The following BOP1 variants were observed in gnomAD, a reference collection of about 807,000 sequenced individuals.
BOP1 encodes ribosome biogenesis protein BOP1.
A neutral mutation model predicts 82.9 loss-of-function variants in BOP1; 54 were observed. The observed-to-expected ratio is 0.65, with a 90% confidence interval of 0.52 to 0.82. The LOEUF (loss-of-function observed/expected upper bound fraction) is 0.82, where lower values mean the gene tolerates loss of function less well. Ranked by LOEUF, BOP1 falls within the 40% of genes least tolerant of loss-of-function variation. The pLI is 0.00. For synonymous variants in BOP1, 566 were observed against 451.1 expected (o/e 1.25, Z -3.23); for missense variants, 1,170 against 1,072.0 (o/e 1.09, Z -1.28).
intron 2 of BOP1, among the ~76,000 whole-genome samples, chr8:144,278,926 G>A (rs1234876401): frequency 1.3e-5 from 2 of 152,236 alleles, no homozygotes; most frequent in African/African-American, 4.8e-5. Context: ...AGAAAATACA[G>A]CCGAAAAACA....
intron 3 of BOP1, among the ~76,000 whole-genome samples, chr8:144,275,271 G>A (rs1414827618): frequency 1.3e-5 from 2 of 152,108 alleles, no homozygotes; most frequent in Non-Finnish European, 2.9e-5. Context: ...GCTCCACTGG[G>A]ACCACAGTCC....
At chr8:144,262,720 G>A (rs1235971219) in intron 13 of BOP1, 48 bp from the exon 14 acceptor site, 3 of 1,598,916 alleles carry the variant, frequency 1.9e-6, no homozygotes, top group African/African-American at 2.8e-5. Flanking sequence ...CACCTGCAGG[G>A]TGCACTGCCC....
At chr8:144,267,997 G>T in intron 3 of BOP1, 1 of 1,509,406 alleles carries the variant, frequency 6.6e-7, no homozygotes, top group East Asian at 2.5e-5. Flanking sequence ...CGGGAAGGAG[G>T]TGCCTTGGCG....
Position 144,286,149 on chromosome 8 carries a change from CA to C in BOP1, c.309+2945del, listed in dbSNP as rs556280269. On this transcript the variant is annotated intron_variant, in intron 2 of 15. Transcript: ENST00000569669. ...AGGTGCCTGGGTGGCTTCTGATGAA[CA>C]GGGGGGAAAAGGGAGGGGTTCCCAC... 3.5e-4 allele frequency among the ~76,000 whole-genome samples: 53 copies of C among 152,300 alleles called. No homozygotes were observed. The East Asian group carries it at 6.9e-3, about 20-fold the overall frequency.
Position 144,291,365 on chromosome 8 carries a change from C to A in BOP1, c.6G>T (p.Ala2=). The change falls in exon 1 of 16, where the codon GCG becomes GCT. Residue 2 remains alanine (A), a synonymous_variant. Coordinates refer to ENST00000569669, the MANE Select transcript of BOP1 (RefSeq NM_015201.5). The surrounding 1 kb of genome is among the most constrained non-coding windows in gnomAD (Gnocchi z 4.1). The part of the protein sequence containing the change: M[A]GSRGAGRTAA... ...CCGTGCGCCCCGCACCCCGCGAACC[C>A]GCCATGCCCCACCGCGCGCCGGCCG... 8.0e-7 allele frequency: 1 copy of A among 1,242,758 alleles called. No homozygotes were observed. Among genetic ancestry groups the A allele is most frequent in the East Asian group, 3.5e-5 (1 of 28,172 alleles). 77.0% of individuals were successfully genotyped at this position (1,242,758 alleles called of 1,614,324 possible). A position where few individuals can be genotyped will look rare whatever the true frequency, so the allele number is the denominator to read the frequency against.
chr8:144,263,570 A>C lies in BOP1; in HGVS notation c.1332T>G (p.Thr444=), dbSNP rs1160602297. The C allele has an allele frequency of 6.2e-7, 1 of 1,603,096 alleles. No individual in the cohort carries two copies. Among genetic ancestry groups the C allele is most frequent in the Non-Finnish European group, 8.5e-7 (1 of 1,179,736 alleles). The change falls in exon 11 of 16, where the codon ACT becomes ACG. Residue 444 remains threonine, a synonymous_variant. Coordinates refer to ENST00000569669, the MANE Select transcript of BOP1 (RefSeq NM_015201.5). ...CGGGAACAGTCCTCACACAGCGGGC[A>C]GTGGCCACCTCCCAGAGCCGCAGGG... ...DGSLRLWEVA[T]ARCVRTVPVG... is the part of the protein sequence containing the mutation.
intron 3 of BOP1, among the ~76,000 whole-genome samples, chr8:144,266,288 C>T (rs900870157): frequency 6.6e-6 from 1 of 152,098 alleles, no homozygotes; most frequent in Admixed American, 6.5e-5. Flanking sequence ...GAACGATGCC[C>T]CCAAAGACCA....
chr8:144,286,645 G>A (rs1481215839), intron 2 of BOP1, among the ~76,000 whole-genome samples: 1 of 152,260 alleles, frequency 6.6e-6, no homozygotes, highest in Non-Finnish European at 1.5e-5. Context: ...GGACACGCGG[G>A]CAGGTGCATG....
chr8:144,264,197 G>T, intron 7 of BOP1, 28 bp downstream of exon 7: 1 of 1,608,124 alleles, frequency 6.2e-7, no homozygotes, highest in South Asian at 1.1e-5. Context: ...ATGGGGACAG[G>T]GTCCCGGCCC....
intron 3 of BOP1, among the ~76,000 whole-genome samples, chr8:144,275,835 C>A (rs903823528): frequency 1.3e-4 from 20 of 152,132 alleles, no homozygotes; most frequent in African/African-American, 4.6e-4. Context: ...ACAGGGGCAC[C>A]ACCCATGCCC....
At chr8:144,281,593 C>T (rs782135747) in intron 2 of BOP1, 2 of 147,024 alleles carry the variant, frequency 1.4e-5, no homozygotes, top group Admixed American at 6.7e-5. Flanking sequence ...CTTTGGCCTT[C>T]TCTCACTTTA....
chr8:144,267,303 T>A (rs1324232339), intron 3 of BOP1: 17 of 1,193,552 alleles, frequency 1.4e-5, no homozygotes, highest in Middle Eastern at 3.2e-4. Context: ...CAGGCACACC[T>A]GTAACACAGG....
intron 3 of BOP1, 170 bp from the exon 4 acceptor site, chr8:144,265,241 G>A (rs1288828954): frequency 4.9e-5 from 38 of 773,918 alleles, no homozygotes; most frequent in Admixed American, 3.5e-4. Context: ...GGGGTCTGAC[G>A]TGGCATGGCG....
At chr8:144,285,441 G>A (rs1588608354) in intron 2 of BOP1, among the ~76,000 whole-genome samples, 1 of 152,192 alleles carries the variant, frequency 6.6e-6, no homozygotes, top group African/African-American at 2.4e-5. Context: ...TGGGGGGACA[G>A]GCAGAAGCAC....
intron 2 of BOP1, among the ~76,000 whole-genome samples, chr8:144,285,851 G>A (rs7818047): frequency 0.54 from 81,763 of 152,118 alleles, 22,342 homozygotes; most frequent in Admixed American, 0.65. Flanking sequence ...GGGAGGTGGC[G>A]GAGATACAGG....
At chr8:144,272,101 C>T (rs982549129) in intron 3 of BOP1, among the ~76,000 whole-genome samples, 1 of 152,118 alleles carries the variant, frequency 6.6e-6, no homozygotes, top group Non-Finnish European at 1.5e-5. Flanking sequence ...ATCTCATAAG[C>T]AGGGGCTCCC....
At chr8:144,290,413 T>C (rs1263254646) in intron 1 of BOP1, among the ~76,000 whole-genome samples, 2 of 151,804 alleles carry the variant, frequency 1.3e-5, no homozygotes, top group Non-Finnish European at 2.9e-5. Flanking sequence ...GAATTCTAGA[T>C]TTTACTGTTT....
rs916181974 is a variant in BOP1, at chr8:144,264,332, C to T, written c.871G>A (p.Ala291Thr). 3.1e-5 allele frequency: 50 copies of T among 1,609,064 alleles called. No individual in the cohort carries two copies. The highest frequency in any genetic ancestry group is 1.8e-4 in the Middle Eastern group (1 of 5,684). ...YDLWAQEDPN[A>T]VLGRHKMHVP... ...TGCATCTTGTGGCGCCCGAGCACGG[C>T]GTTGGGGTCCTCCTGGGCCCACAGG... The change falls in exon 7 of 16, where the codon GCC becomes ACC. Residue 291 changes from alanine (A) to threonine (T), a missense_variant. By Grantham distance (58) the Ala-to-Thr change is moderately conservative. Transcript: ENST00000569669.
At chr8:144,282,631 T>C (rs1845702636) in intron 2 of BOP1, among the ~76,000 whole-genome samples, 1 of 152,022 alleles carries the variant, frequency 6.6e-6, no homozygotes, top group African/African-American at 2.4e-5. Context: ...GGCCCTGCCG[T>C]GGCCCACAGA....
Sources: gnomAD v4.1 joint callset for allele counts (sites outside exome capture counted in the v4.1 genomes callset) on GRCh38, gnomAD v4.1.1 for gene constraint, Gnocchi (gnomAD v3.1) non-coding constraint, MANE v1.5 for transcripts, NCBI Gene and HGNC (gene_info 2026-07-23, HGNC 2026-07-21) for gene names.